Variants in SAMTOR observed in about 807,000 individuals in gnomAD.
SAMTOR encodes the protein S-adenosylmethionine sensor upstream of mTORC1.
At chr7:112,883,644 C>T in the SAMTOR span, among the ~76,000 whole-genome samples, 1 of 152,184 alleles carries the variant, frequency 6.6e-6, no homozygotes, top group Non-Finnish European at 1.5e-5. Context: ...ATAAAGCATT[C>T]TTAGGCCAAG....
the SAMTOR span, among the ~76,000 whole-genome samples, chr7:112,913,683 C>T: frequency 6.6e-6 from 1 of 151,582 alleles, no homozygotes. Flanking sequence ...TATTTTCTAC[C>T]TCTCTCCCTC....
the SAMTOR span, among the ~76,000 whole-genome samples, chr7:112,938,258 C>T: frequency 3.3e-5 from 5 of 152,122 alleles, no homozygotes; most frequent in Non-Finnish European, 5.9e-5. Context: ...ACATATTTTA[C>T]CATCCTAAGT....
chr7:112,909,239 G>T, the SAMTOR span, among the ~76,000 whole-genome samples: 1 of 152,112 alleles, frequency 6.6e-6, no homozygotes, highest in South Asian at 2.1e-4. Context: ...ATCAAATAAA[G>T]CCTGCACTGC....
the SAMTOR span, chr7:112,822,365 A>G: frequency 6.3e-7 from 1 of 1,592,970 alleles, no homozygotes; most frequent in Non-Finnish European, 8.5e-7. Context: ...AATCACATTT[A>G]TAGACACTCT....
chr7:112,917,463 C>A, the SAMTOR span, among the ~76,000 whole-genome samples: 5,113 of 152,092 alleles, frequency 0.034, 165 homozygotes, highest in African/African-American at 0.075. Flanking sequence ...ACCATCATCA[C>A]AGACCAAAAG....
At chr7:112,915,905 G>C in the SAMTOR span, among the ~76,000 whole-genome samples, 2 of 152,090 alleles carry the variant, frequency 1.3e-5, no homozygotes, top group Non-Finnish European at 2.9e-5. Context: ...CCTGCTTCTT[G>C]ACTGTTATTT....
chr7:112,873,351 G>A, the SAMTOR span, among the ~76,000 whole-genome samples: 1 of 152,100 alleles, frequency 6.6e-6, no homozygotes, highest in Non-Finnish European at 1.5e-5. Context: ...AAATAGCATG[G>A]CACTGGTACA....
chr7:112,904,144 C>G, the SAMTOR span, among the ~76,000 whole-genome samples: 65 of 152,124 alleles, frequency 4.3e-4, no homozygotes, highest in African/African-American at 1.5e-3. Context: ...TTTCCACTTT[C>G]AATCAAGAGA....
At chr7:112,896,649 T>G in the SAMTOR span, among the ~76,000 whole-genome samples, 1 of 152,130 alleles carries the variant, frequency 6.6e-6, no homozygotes, top group East Asian at 1.9e-4. Context: ...TGCATAATGA[T>G]GGCCAAATTG....
chr7:112,884,526 G>C, the SAMTOR span, among the ~76,000 whole-genome samples: 16 of 152,276 alleles, frequency 1.1e-4, no homozygotes, highest in Middle Eastern at 3.4e-3. Context: ...AGGGGCTACA[G>C]GTTCCATATA....
chr7:112,916,757 G>A, the SAMTOR span, among the ~76,000 whole-genome samples: 4 of 152,178 alleles, frequency 2.6e-5, no homozygotes, highest in Admixed American at 6.5e-5. Context: ...GCGCTTTTCC[G>A]ACGGGCTTGG....
chr7:112,860,775 G>A, the SAMTOR span, among the ~76,000 whole-genome samples: 1 of 151,902 alleles, frequency 6.6e-6, no homozygotes. Context: ...AGCCGGGCAT[G>A]GTGGCGGGCG....
chr7:112,827,887 T>G, the SAMTOR span, among the ~76,000 whole-genome samples: 1 of 152,064 alleles, frequency 6.6e-6, no homozygotes, highest in Non-Finnish European at 1.5e-5. Context: ...GCTAACTTTT[T>G]TATTTTTTGT....
the SAMTOR span, among the ~76,000 whole-genome samples, chr7:112,928,021 G>A: frequency 1.6e-4 from 25 of 151,830 alleles, no homozygotes; most frequent in African/African-American, 5.8e-4. Context: ...AAATAAATTA[G>A]GAGCTACTAA....
the SAMTOR span, among the ~76,000 whole-genome samples, chr7:112,925,992 C>G: frequency 6.6e-6 from 1 of 151,932 alleles, no homozygotes; most frequent in Non-Finnish European, 1.5e-5. Context: ...GAATTGTGCA[C>G]CTAAAGAATG....
chr7:112,903,980 C>T, the SAMTOR span, among the ~76,000 whole-genome samples: 1 of 151,684 alleles, frequency 6.6e-6, no homozygotes, highest in Non-Finnish European at 1.5e-5. Flanking sequence ...AAAGCGGGTA[C>T]TTTAAAATGC....
At chr7:112,841,430 G>C in the SAMTOR span, among the ~76,000 whole-genome samples, 2 of 151,780 alleles carry the variant, frequency 1.3e-5, no homozygotes, top group Non-Finnish European at 2.9e-5. Context: ...GGAAATAAGA[G>C]GACACAAACA....
At chr7:112,893,833 C>T in the SAMTOR span, among the ~76,000 whole-genome samples, 3 of 152,108 alleles carry the variant, frequency 2.0e-5, no homozygotes, top group African/African-American at 7.2e-5. Context: ...ACCTGGGAGG[C>T]GGAGCTTGCA....
chr7:112,927,142 CTA>C, the SAMTOR span, among the ~76,000 whole-genome samples: 1 of 151,806 alleles, frequency 6.6e-6, no homozygotes, highest in African/African-American at 2.4e-5. Flanking sequence ...TCAAAGTAAT[CTA>C]TGATTCAGGT....
Sources: gnomAD v4.1 joint callset for allele counts (sites outside exome capture counted in the v4.1 genomes callset) on GRCh38, gnomAD v4.1.1 for gene constraint, MANE v1.5 for transcripts, NCBI Gene and HGNC (gene_info 2026-07-23, HGNC 2026-07-21) for gene names.